Variants in SLC2A9 observed in about 807,000 individuals in gnomAD.
SLC2A9 encodes solute carrier family 2, facilitated glucose transporter member 9.
A neutral mutation model predicts 50.6 loss-of-function variants in SLC2A9; 39 were observed. The observed-to-expected ratio is 0.77, with a 90% confidence interval of 0.60 to 1.01. The LOEUF (loss-of-function observed/expected upper bound fraction) is 1.01. Among genes scored for constraint, SLC2A9 ranks in the 50% least tolerant of loss-of-function variants. SLC2A9 has a pLI of 0.00. For missense variants in SLC2A9, 686 were observed against 677.6 expected (o/e 1.01, Z -0.14); for synonymous variants, 324 against 276.9 (o/e 1.17, Z -1.69).
intron 5 of SLC2A9, among the ~76,000 whole-genome samples, chr4:9,966,829 C>T (rs1289826845): frequency 1.6e-5 from 1 of 61,498 alleles, no homozygotes; most frequent in African/African-American, 2.1e-4. Flanking sequence ...ATTCATTAAA[C>T]CAAACATTTC....
intron 6 of SLC2A9, among the ~76,000 whole-genome samples, chr4:9,922,029 T>C (rs934789739): frequency 6.6e-6 from 1 of 152,176 alleles, no homozygotes; most frequent in Non-Finnish European, 1.5e-5. Flanking sequence ...TTCTTTCTCT[T>C]AAAATTTCCT....
At chr4:9,820,790 C>T (rs1724294659) in intron 3 of SLC2A9, among the ~76,000 whole-genome samples, 1 of 152,178 alleles carries the variant, frequency 6.6e-6, no homozygotes, top group African/African-American at 2.4e-5. Context: ...TGTTGAACTT[C>T]TATTCTGTAA....
At chr4:9,997,590 C>T (rs1341991757) in intron 2 of SLC2A9, among the ~76,000 whole-genome samples, 2 of 152,148 alleles carry the variant, frequency 1.3e-5, no homozygotes, top group Admixed American at 6.5e-5. Context: ...ATCCCAGCTA[C>T]TCAGGAGGCT....
At chr4:9,916,621 T>A (rs1742891014) in intron 7 of SLC2A9, among the ~76,000 whole-genome samples, 1 of 152,158 alleles carries the variant, frequency 6.6e-6, no homozygotes. Flanking sequence ...AAACTGAGTA[T>A]TATCATCCCC....
chr4:9,858,319 C>T (rs144414795), intron 10 of SLC2A9, among the ~76,000 whole-genome samples: 6 of 152,260 alleles, frequency 3.9e-5, no homozygotes, highest in Admixed American at 2.6e-4. Flanking sequence ...ATGCTGTGAA[C>T]GCATTTCAAC....
At chr4:9,778,309 G>A (rs142750391), downstream of SLC2A9, among the ~76,000 whole-genome samples, 1,434 of 152,030 alleles carry the variant, frequency 9.4e-3, 16 homozygotes, top group Middle Eastern at 0.027. Flanking sequence ...TAGTAGAGAC[G>A]GGGTTTCACC....
At chr4:9,951,407 T>C (rs35371429) in intron 5 of SLC2A9, among the ~76,000 whole-genome samples, 9,973 of 152,238 alleles carry the variant, frequency 0.066, 833 homozygotes, top group East Asian at 0.46. Flanking sequence ...CAATGTTTGA[T>C]AGCAGGGTAG....
At chr4:10,032,528 G>A (rs1027713382) in intron 1 of SLC2A9, among the ~76,000 whole-genome samples, 1 of 152,134 alleles carries the variant, frequency 6.6e-6, no homozygotes, top group Non-Finnish European at 1.5e-5. Context: ...TGGCTGCTGG[G>A]CTGTCAGGGT....
chr4:9,940,367 T>G (rs1220717311), intron 6 of SLC2A9, among the ~76,000 whole-genome samples: 1 of 152,214 alleles, frequency 6.6e-6, no homozygotes, highest in East Asian at 1.9e-4. Flanking sequence ...GGTATCTCTC[T>G]GTGCACGAGG....
intron 4 of SLC2A9, among the ~76,000 whole-genome samples, chr4:9,983,446 C>T (rs1435461948): frequency 6.6e-6 from 1 of 152,220 alleles, no homozygotes; most frequent in East Asian, 1.9e-4. Context: ...CTGTTGGAAG[C>T]CCAAGAACTT....
At chr4:10,015,053 G>C (rs747501614) in intron 2 of SLC2A9, among the ~76,000 whole-genome samples, 1 of 152,218 alleles carries the variant, frequency 6.6e-6, no homozygotes. Flanking sequence ...GAGGGAGGGA[G>C]GGGTTGGGAC....
intron 3 of SLC2A9, among the ~76,000 whole-genome samples, chr4:9,992,025 G>A (rs1757798736): frequency 6.6e-6 from 1 of 152,202 alleles, no homozygotes; most frequent in Non-Finnish European, 1.5e-5. Flanking sequence ...CTTTTAAAGG[G>A]TTGAAGTAGA....
At chr4:9,973,936 G>T (rs1451947442) in intron 5 of SLC2A9, among the ~76,000 whole-genome samples, 1 of 150,860 alleles carries the variant, frequency 6.6e-6, no homozygotes, top group Admixed American at 6.6e-5. Flanking sequence ...CAAATTACCA[G>T]CAAACCGAAT....
intron 2 of SLC2A9, among the ~76,000 whole-genome samples, chr4:10,015,794 G>A (rs1214969993): frequency 1.3e-5 from 2 of 152,212 alleles, no homozygotes; most frequent in Admixed American, 1.3e-4. Flanking sequence ...TAAATGTCTT[G>A]CTGAAGACCC....
chr4:9,903,817 A>T (rs1410702865), intron 8 of SLC2A9, among the ~76,000 whole-genome samples: 1 of 147,706 alleles, frequency 6.8e-6, no homozygotes, highest in African/African-American at 2.5e-5. Context: ...ATATTTCAAG[A>T]TATATAATAT....
chr4:9,782,878 C>A (rs1354174783), intron 3 of SLC2A9: 2 of 1,613,928 alleles, frequency 1.2e-6, no homozygotes, highest in Non-Finnish European at 8.5e-7. Flanking sequence ...CCGACACCAG[C>A]CTGCGCGCTT....
At chr4:9,816,894 T>G (rs1723674701) in intron 3 of SLC2A9, among the ~76,000 whole-genome samples, 1 of 152,138 alleles carries the variant, frequency 6.6e-6, no homozygotes, top group Non-Finnish European at 1.5e-5. Context: ...ATCTTACAGT[T>G]CTGGGGATCA....
chr4:10,021,018 C>G (rs768342462), intron 1 of SLC2A9, among the ~76,000 whole-genome samples: 1 of 152,232 alleles, frequency 6.6e-6, no homozygotes, highest in Admixed American at 6.5e-5. Context: ...CGGGGCAGGG[C>G]AGCCTGCCAC....
downstream of SLC2A9, among the ~76,000 whole-genome samples, chr4:9,779,292 C>T (rs1394796243): frequency 6.6e-6 from 1 of 152,320 alleles, no homozygotes; most frequent in East Asian, 1.9e-4. Context: ...CTTGCCTTGG[C>T]CAACCTCCCC....
Sources: gnomAD v4.1 joint callset for allele counts (sites outside exome capture counted in the v4.1 genomes callset) on GRCh38, gnomAD v4.1.1 for gene constraint, MANE v1.5 for transcripts, NCBI Gene and HGNC (gene_info 2026-07-23, HGNC 2026-07-21) for gene names.